Variants in LAMA5 observed in about 807,000 individuals in gnomAD.
LAMA5 encodes laminin subunit alpha 5, also known as laminin subunit alpha-5.
In LAMA5, 260 loss-of-function variants were observed where a neutral mutation model predicts 433.4. The ratio of observed to expected loss-of-function variants is 0.60; its 90% CI spans 0.54 to 0.66. LAMA5 has a LOEUF of 0.66. Ranked by LOEUF, LAMA5 falls within the 30% of genes least tolerant of loss-of-function variation. LAMA5 has a pLI of 0.00. For missense variants in LAMA5, 5,378 were observed against 5,258.5 expected, an observed-to-expected ratio of 1.02 and a Z score of -0.70; for synonymous variants, 2,620 against 2,226.6, an observed-to-expected ratio of 1.18 and a Z score of -4.97.
At chr20:62,352,979 T>C in intron 3 of LAMA5, 155 bp downstream of exon 3, 2 of 589,868 alleles carry the variant, frequency 3.4e-6, no homozygotes, top group Non-Finnish European at 5.9e-6. Flanking sequence ...TAAATCCCCA[T>C]GAGCCTTCGG....
In LAMA5 at chr20:62,311,937, G is replaced by C; in HGVS notation, c.9618C>G (p.Phe3206Leu). ...AGGCTCACCCCGTGGCATTGCTGTA[G>C]AAGGCGACGTAATGGGGGGCACCAT... ...FADGAPHYVA[F>L]YSNATGVWLY... Residue 3206 changes from phenylalanine to leucine, a missense_variant, in exon 70 of 80, where the codon TTC becomes TTG. Transcript: ENST00000252999. The C allele has an allele frequency of 1.2e-6, 2 of 1,612,044 alleles. No individual in the cohort carries two copies. The highest frequency in any genetic ancestry group is 1.7e-6 in the Non-Finnish European group (2 of 1,179,582).
chr20:62,321,508 T>C (rs56068409), intron 48 of LAMA5, among the ~76,000 whole-genome samples: 8 of 19,214 alleles, frequency 4.2e-4, no homozygotes, highest in South Asian at 2.8e-3. Context: ...AGGGGTGGGG[T>C]CAGTGGAGGC....
intron 3 of LAMA5, 82 bp from the exon 4 acceptor site, chr20:62,352,442 C>T (rs992509315): frequency 1.3e-5 from 13 of 1,021,006 alleles, no homozygotes; most frequent in Admixed American, 4.3e-5. Context: ...CTTGACGTCT[C>T]CGGGCCTTGC....
intron 58 of LAMA5, 95 bp downstream of exon 58, chr20:62,315,853 C>T: frequency 1.0e-6 from 1 of 954,378 alleles, no homozygotes; most frequent in Non-Finnish European, 1.6e-6. Context: ...TCTTCCACAG[C>T]ACAGTGAGTG....
Position 62,338,086 on chromosome 20 carries a change from G to A in LAMA5, c.1821C>T (p.Cys607=), listed in dbSNP as rs2146236534. ...EGCDEAGRCL[C]QPEFAGPHCD... is the part of the protein sequence containing the mutation. ...AATGAGGTCCAGCAAACTCAGGCTG[G>A]CATAGGCAGCGGCCGGCCTCATCGC... The change falls in exon 14 of 80, where the codon TGC becomes TGT. Residue 607 remains cysteine (C), a synonymous_variant. Transcript: ENST00000252999. The A allele has an allele frequency of 1.2e-6, 2 of 1,604,142 alleles. No homozygotes were observed. Among genetic ancestry groups the A allele is most frequent in the South Asian group, 1.1e-5 (1 of 89,862 alleles).
Position 62,327,249 on chromosome 20 carries a change from G to C in LAMA5, c.5096C>G (p.Ser1699Cys). 1 of 1,521,114 alleles carries C rather than the reference G, an allele frequency of 6.6e-7. No individual in the cohort carries two copies. The allele number at this position is 1,521,114 out of a possible 1,614,324, so 94.2% of individuals were successfully genotyped here. ...CCTGCTTACCCGGTCCCCCAGGTAG[G>C]AGGGTGGGGCCTGCCAGTACAGCTC... ...FPELYWQAPPSYLGDRVSSYG... is the reference protein window; with the variant it reads ...FPELYWQAPPCYLGDRVSSYG... The change falls in exon 38 of 80, where the codon TCC (serine) becomes TGC (cysteine). Residue 1699 changes from serine to cysteine, a missense_variant. Ser to Cys is a moderately radical substitution (Grantham distance 112, BLOSUM62 -1). Coordinates refer to ENST00000252999, the MANE Select transcript of LAMA5 (RefSeq NM_005560.6).
At position 62,309,724 on chromosome 20, in the gene LAMA5, C is replaced by T. The variant is rs1985987659; in HGVS notation, c.10940G>A (p.Gly3647Asp). 5 of 1,593,708 alleles carry T rather than the reference C, an allele frequency of 3.1e-6. No individual in the cohort carries two copies. Among genetic ancestry groups the T allele is most frequent in the Non-Finnish European group, 3.4e-6 (4 of 1,173,230 alleles). Residue 3647 changes from glycine (G) to aspartate (D), a missense_variant, in exon 79 of 80, where the codon GGC becomes GAC. Physicochemically the swap from Gly to Asp is moderately conservative, Grantham distance 94. Transcript: ENST00000252999. Reference sequence around the variant, plus strand: ...ATCAAGGCCGCACTCACCAGGCAGGCCCCCGAGGTACAGAGGGGCTGGGGC... The same window carrying T: ...ATCAAGGCCGCACTCACCAGGCAGGTCCCCGAGGTACAGAGGGGCTGGGGC... The part of the protein sequence containing the change: ...AGAPAPLYLG[G>D]LPEPMAVQPW...
At chr20:62,319,663 C>A in intron 51 of LAMA5, 21 bp downstream of exon 51, 1 of 1,516,232 alleles carries the variant, frequency 6.6e-7, no homozygotes, top group Non-Finnish European at 8.9e-7. Context: ...GAGCCCTGAG[C>A]CTGGCTGGGC....
At chr20:62,325,799 G>T (rs112421766) in intron 40 of LAMA5, among the ~76,000 whole-genome samples, 1 of 152,184 alleles carries the variant, frequency 6.6e-6, no homozygotes, top group African/African-American at 2.4e-5. Context: ...CAAGCTTCTA[G>T]AAGAAAACAT....
At chr20:62,330,133 A>C (rs923838313) in intron 31 of LAMA5, among the ~76,000 whole-genome samples, 1 of 152,238 alleles carries the variant, frequency 6.6e-6, no homozygotes, top group Non-Finnish European at 1.5e-5. Context: ...ACCTCTAGGT[A>C]CCGGTCAACT....
chr20:62,339,036 C>CAAA (rs547740017), intron 11 of LAMA5, among the ~76,000 whole-genome samples: 1 of 125,412 alleles, frequency 8.0e-6, no homozygotes, highest in Admixed American at 7.8e-5. Context: ...GACTCCGTCT[C>CAAA]AAAAAAAAAA....
At chr20:62,315,381 A>T (rs1200262193) in intron 58 of LAMA5, among the ~76,000 whole-genome samples, 174 bp from the exon 59 acceptor site, 1 of 152,006 alleles carries the variant, frequency 6.6e-6, no homozygotes, top group Non-Finnish European at 1.5e-5. Flanking sequence ...TGCCTCCACC[A>T]GACGCCCCCT....
In LAMA5 at chr20:62,336,462, C is replaced by A. The variant is rs1251190351; in HGVS notation, c.2218-17G>T. ...AACCTGTGCCTGGGAGAGGACAAGA[C>A]TGCAGGTCAGAGCGGGCGCCCTGCT... On this transcript the variant is annotated splice_polypyrimidine_tract_variant and intron_variant, in intron 17 of 79. Coordinates refer to ENST00000252999, the MANE Select transcript of LAMA5 (RefSeq NM_005560.6). The A allele has an allele frequency of 6.2e-7, 1 of 1,604,016 alleles. No individual in the cohort carries two copies. The highest frequency in any genetic ancestry group is 8.5e-7 in the Non-Finnish European group (1 of 1,173,140).
intron 55 of LAMA5, 101 bp from the exon 56 acceptor site, chr20:62,317,124 C>G: frequency 1.5e-6 from 2 of 1,324,016 alleles, no homozygotes; most frequent in South Asian, 1.5e-5. Flanking sequence ...CGTGCCTGCC[C>G]GCCAAGTCCC....
rs1979591581 is a variant in LAMA5 at position 62,327,871 on chromosome 20, A to G, written c.4792T>C (p.Cys1598Arg). The change falls in exon 36 of 80, where the codon TGT becomes CGT. Residue 1598 changes from cysteine to arginine, a missense_variant. Physicochemically the swap from Cys to Arg is radical, Grantham distance 180 (BLOSUM62 -3). Transcript: ENST00000252999. ...VCDPLTGQCY[C>R]KENVQGPKCD... ...TGGGCCCAGCCCTCACTCACCTTACAGTAGCACTGCCCTGTGAGGGGGTCA... is the reference window on the plus strand; with the variant it reads ...TGGGCCCAGCCCTCACTCACCTTACGGTAGCACTGCCCTGTGAGGGGGTCA... The G allele has an allele frequency of 6.2e-7, 1 of 1,608,236 alleles. No homozygotes were observed.
chr20:62,310,011 T>C lies in LAMA5; in HGVS notation c.10805A>G (p.Asp3602Gly). The C allele has an allele frequency of 1.2e-6, 2 of 1,611,330 alleles. No individual in the cohort carries two copies. Among genetic ancestry groups the C allele is most frequent in the Non-Finnish European group, 1.7e-6 (2 of 1,179,698 alleles). Residue 3602 changes from aspartate (D) to glycine (G), a missense_variant, in exon 78 of 80, where the codon GAT (aspartate) becomes GGT (glycine). Transcript: ENST00000252999. ...ACCCGCTAGCCGGTGCCACTGGCCA[T>C]CACACAGCACTGAGGGGCGGGTCAC... is the stretch of plus-strand genomic sequence containing the variant. ...TSVTRPSVLCDGQWHRLAVMK... is the reference protein window; with the variant it reads ...TSVTRPSVLCGGQWHRLAVMK...
chr20:62,350,560 G>A (rs1394787346), intron 6 of LAMA5, among the ~76,000 whole-genome samples: 6 of 152,298 alleles, frequency 3.9e-5, no homozygotes, highest in African/African-American at 1.4e-4. Context: ...GAGCAGTAAG[G>A]CCCCACAGAA....
At chr20:62,326,781 G>A (rs1259857146) in intron 39 of LAMA5, 21 bp from the exon 40 acceptor site, 1 of 1,611,762 alleles carries the variant, frequency 6.2e-7, no homozygotes. Context: ...ACATGGGGAG[G>A]TGAGGGTTGG....
At chr20:62,362,660 T>G in intron 1 of LAMA5, 108 bp from the exon 2 acceptor site, 1 of 1,015,714 alleles carries the variant, frequency 9.8e-7, no homozygotes, top group Non-Finnish European at 1.3e-6. Context: ...CTGAGCTGGT[T>G]CCACGCCCAG....
Sources: allele counts gnomAD v4.1 joint callset (sites outside exome capture counted in the v4.1 genomes callset), GRCh38; gene constraint gnomAD v4.1.1; transcripts MANE v1.5; gene names NCBI Gene and HGNC (gene_info 2026-07-23, HGNC 2026-07-21).